FUT9: variants seen among roughly 807,000 people sequenced by gnomAD.
FUT9 encodes the protein 4-galactosyl-N-acetylglucosaminide 3-alpha-L-fucosyltransferase 9.
A neutral mutation model predicts 29.7 loss-of-function variants in FUT9; 15 were observed. The observed-to-expected ratio is 0.51, with a 90% CI of 0.34 to 0.78. The LOEUF (loss-of-function observed/expected upper bound fraction) is 0.78. FUT9 is among the 30% of genes least tolerant of loss of function. FUT9 has a pLI of 0.01. For synonymous variants in FUT9, 169 were observed against 153.7 expected (o/e 1.10, Z -0.74); for missense variants, 319 against 425.4 (o/e 0.75, Z 2.20).
At chr6:96,101,810 C>T (rs1029328992) in intron 1 of FUT9, among the ~76,000 whole-genome samples, 2 of 145,580 alleles carry the variant, frequency 1.4e-5, no homozygotes, top group East Asian at 2.0e-4. Flanking sequence ...TGCACCACCA[C>T]GCCCAGCTAT....
intron 2 of FUT9, among the ~76,000 whole-genome samples, chr6:96,171,677 C>A (rs1027449501): frequency 6.6e-6 from 1 of 152,022 alleles, no homozygotes; most frequent in Non-Finnish European, 1.5e-5. Flanking sequence ...ATATCTTTAA[C>A]CTAAAGTATG....
chr6:96,058,105 G>A (rs1770806834), intron 1 of FUT9, among the ~76,000 whole-genome samples: 1 of 152,112 alleles, frequency 6.6e-6, no homozygotes, highest in African/African-American at 2.4e-5. Flanking sequence ...GGCGGTAACT[G>A]ATCTCCTTAT....
intron 2 of FUT9, among the ~76,000 whole-genome samples, chr6:96,191,066 G>A (rs1378285684): frequency 6.6e-6 from 1 of 152,086 alleles, no homozygotes; most frequent in Non-Finnish European, 1.5e-5. Context: ...TGATGATGGT[G>A]ACATACAGAT....
intron 1 of FUT9, among the ~76,000 whole-genome samples, chr6:96,031,174 A>G (rs1006571416): frequency 6.6e-6 from 1 of 151,652 alleles, no homozygotes; most frequent in Non-Finnish European, 1.5e-5. Flanking sequence ...ACTTTCTAAC[A>G]GTGCCTAGAG....
At chr6:96,029,057 A>G (rs17055916) in intron 1 of FUT9, among the ~76,000 whole-genome samples, 26,468 of 151,482 alleles carry the variant, frequency 0.17, 3,096 homozygotes, top group Admixed American at 0.32. Context: ...CGAGTTCACC[A>G]GGCAAACAAA....
intron 1 of FUT9, among the ~76,000 whole-genome samples, chr6:96,100,089 A>G (rs1393621248): frequency 6.6e-6 from 1 of 152,162 alleles, no homozygotes; most frequent in Non-Finnish European, 1.5e-5. Context: ...TAACATACCC[A>G]AGGGAAATCA....
chr6:96,163,644 TCTCA>T (rs58760770), intron 2 of FUT9, among the ~76,000 whole-genome samples: 24,037 of 152,052 alleles, frequency 0.16, 2,092 homozygotes, highest in African/African-American at 0.19. Flanking sequence ...ATCTCTGGAG[TCTCA>T]CTCAATCTGC....
At chr6:96,052,044 T>A (rs1770680480) in intron 1 of FUT9, among the ~76,000 whole-genome samples, 1 of 152,160 alleles carries the variant, frequency 6.6e-6, no homozygotes, top group African/African-American at 2.4e-5. Context: ...GATTCACAGT[T>A]CTGCATGGCT....
intron 1 of FUT9, among the ~76,000 whole-genome samples, chr6:96,078,478 T>G (rs1035568100): frequency 4.4e-4 from 57 of 130,920 alleles, no homozygotes; most frequent in Non-Finnish European, 8.3e-4. Flanking sequence ...TGGAGTGCAG[T>G]GGCGCGATCT....
At chr6:96,113,354 T>C (rs961314318) in intron 1 of FUT9, among the ~76,000 whole-genome samples, 1 of 151,914 alleles carries the variant, frequency 6.6e-6, no homozygotes, top group Non-Finnish European at 1.5e-5. Context: ...TTCTCCTGCC[T>C]CAGCCTCCCC....
intron 2 of FUT9, among the ~76,000 whole-genome samples, chr6:96,151,485 G>A (rs1432058451): frequency 6.6e-6 from 1 of 152,102 alleles, no homozygotes; most frequent in African/African-American, 2.4e-5. Flanking sequence ...ATACTTTAAG[G>A]GACCAGCCTT....
At chr6:96,105,905 G>T (rs1347634651) in intron 1 of FUT9, among the ~76,000 whole-genome samples, 1 of 152,120 alleles carries the variant, frequency 6.6e-6, no homozygotes, top group Non-Finnish European at 1.5e-5. Context: ...TTTCTAATAA[G>T]CCATTAGATG....
chr6:96,125,794 C>A (rs1479686714), intron 2 of FUT9, among the ~76,000 whole-genome samples: 1 of 152,178 alleles, frequency 6.6e-6, no homozygotes, highest in Non-Finnish European at 1.5e-5. Flanking sequence ...AGCTCATTTT[C>A]AAAGGATCTT....
At chr6:96,047,809 C>A (rs185125459) in intron 1 of FUT9, among the ~76,000 whole-genome samples, 237 of 152,276 alleles carry the variant, frequency 1.6e-3, no homozygotes, top group Middle Eastern at 6.8e-3. Flanking sequence ...ATCTCTAGGG[C>A]ATCAGTAGAT....
chr6:96,154,142 T>G (rs1003917930), intron 2 of FUT9, among the ~76,000 whole-genome samples: 6 of 152,196 alleles, frequency 3.9e-5, no homozygotes, highest in Non-Finnish European at 8.8e-5. Flanking sequence ...ATATTACTCT[T>G]TAAATCAGAG....
chr6:96,067,976 T>C (rs1770992062), intron 1 of FUT9, among the ~76,000 whole-genome samples: 1 of 152,192 alleles, frequency 6.6e-6, no homozygotes, highest in South Asian at 2.1e-4. Context: ...AATGAATGTT[T>C]CTTTTTTATT....
At chr6:96,079,997 T>C (rs1336365118) in intron 1 of FUT9, among the ~76,000 whole-genome samples, 2 of 152,058 alleles carry the variant, frequency 1.3e-5, no homozygotes, top group African/African-American at 4.8e-5. Context: ...TATCTGACAA[T>C]ATTATTGCTT....
chr6:96,187,837 T>G (rs1473621113), intron 2 of FUT9, among the ~76,000 whole-genome samples: 2 of 152,146 alleles, frequency 1.3e-5, no homozygotes, highest in African/African-American at 4.8e-5. Flanking sequence ...GCAACTTGGT[T>G]TTTTGAGGTT....
At chr6:96,140,577 A>G (rs1404516701) in intron 2 of FUT9, among the ~76,000 whole-genome samples, 1 of 152,236 alleles carries the variant, frequency 6.6e-6, no homozygotes, top group Non-Finnish European at 1.5e-5. Flanking sequence ...TAATTGACTT[A>G]CAGTTCCACA....
Sources: allele counts gnomAD v4.1 joint callset (sites outside exome capture counted in the v4.1 genomes callset), GRCh38; gene constraint gnomAD v4.1.1; transcripts MANE v1.5; gene names NCBI Gene and HGNC (gene_info 2026-07-23, HGNC 2026-07-21).